APLP2: variants seen among roughly 807,000 people sequenced by gnomAD.
APLP2 encodes CDEI box-binding protein.
A neutral mutation model predicts 89.9 loss-of-function variants in APLP2; 53 were observed. The ratio of observed to expected loss-of-function variants is 0.59; its 90% CI spans 0.47 to 0.74. APLP2 has a LOEUF of 0.74. APLP2 is among the 30% of genes least tolerant of loss of function. The pLI, the probability that APLP2 is intolerant of heterozygous loss-of-function variation, is 0.00. For synonymous variants in APLP2, 372 were observed against 348.6 expected, an observed-to-expected ratio of 1.07 and a Z score of -0.75; for missense variants, 973 against 975.9, an observed-to-expected ratio of 1.00 and a Z score of 0.04.
intron 1 of APLP2, among the ~76,000 whole-genome samples, chr11:130,075,275 G>A (rs541735668): frequency 2.6e-5 from 4 of 152,236 alleles, no homozygotes; most frequent in East Asian, 1.9e-4. Context: ...TCAGCCTCCC[G>A]AGTATCTAGG....
chr11:130,098,787 C>A (rs1946542468), intron 1 of APLP2, among the ~76,000 whole-genome samples: 1 of 152,176 alleles, frequency 6.6e-6, no homozygotes, highest in Non-Finnish European at 1.5e-5. Flanking sequence ...CCAGGTCAGC[C>A]AGAGGAAGCT....
chr11:130,142,022 T>G lies in APLP2; in HGVS notation c.2102T>G (p.Leu701Arg), dbSNP rs1952471679. The G allele has an allele frequency of 6.2e-7, 1 of 1,613,802 alleles. No individual in the cohort carries two copies. The highest frequency in any genetic ancestry group is 1.3e-5 in the African/African-American group (1 of 74,926). The change falls in exon 16 of 17, where the codon CTG (leucine) becomes CGG (arginine). Residue 701 changes from leucine (L) to arginine (R), a missense_variant. Leu to Arg is a moderately radical substitution (Grantham distance 102, BLOSUM62 -2). Coordinates refer to ENST00000338167, the MANE Select transcript of APLP2 (RefSeq NM_001142276.2). ...ATTGCCACGGTCATCGTCATCAGCC[T>G]GGTGATGCTGAGGAAGAGGCAGTAT... ...VAIATVIVIS[L>R]VMLRKRQYGT... is the part of the protein sequence containing the mutation.
chr11:130,141,696 C>A lies in APLP2; in HGVS notation c.1998+124C>A. On this transcript the variant is annotated intron_variant, in intron 15 of 16. Transcript: ENST00000338167. This position sits in a 1 kb window ranked among gnomAD's most constrained non-coding sequence, Gnocchi z 4.2. ...GCTAATAAGGGTCCCTCATCCCCAGCTTTCCGTACTTTTGGATAAGAAAGC... is the reference window on the plus strand; with the variant it reads ...GCTAATAAGGGTCCCTCATCCCCAGATTTCCGTACTTTTGGATAAGAAAGC... 2.1e-6 allele frequency: 2 copies of A among 962,068 alleles called. No homozygotes were observed. The highest frequency in any genetic ancestry group is 3.1e-6 in the Non-Finnish European group (2 of 646,210). The allele number at this position is 962,068 out of a possible 1,614,324, so 59.6% of individuals were successfully genotyped here.
In APLP2 at chr11:130,123,508, T is replaced by A; in HGVS notation, c.923-104T>A. 7.7e-7 allele frequency: 1 copy of A among 1,293,740 alleles called. No homozygotes were observed. The highest frequency in any genetic ancestry group is 1.1e-6 in the Non-Finnish European group (1 of 947,676). The allele number at this position is 1,293,740 out of a possible 1,614,324, so 80.1% of individuals were successfully genotyped here. On this transcript the variant is annotated intron_variant, in intron 6 of 16. Transcript: ENST00000338167. This position sits in a 1 kb window ranked among gnomAD's most constrained non-coding sequence, Gnocchi z 4.0. The stretch of plus-strand genomic sequence containing the variant: ...CCGGGCCTCCAGGCTCCGTCCAGTC[T>A]CAGGCCTCCCCCAGCCCATCCCCCA...
At chr11:130,084,820 A>G (rs771349166) in intron 1 of APLP2, among the ~76,000 whole-genome samples, 10 of 152,204 alleles carry the variant, frequency 6.6e-5, no homozygotes, top group South Asian at 2.1e-4. Context: ...ATAATTTGCA[A>G]CAGAATAAAT....
chr11:130,095,032 A>C (rs1382713333), intron 1 of APLP2, among the ~76,000 whole-genome samples: 3 of 152,256 alleles, frequency 2.0e-5, no homozygotes, highest in Non-Finnish European at 4.4e-5. Context: ...CAAGTAAAAG[A>C]AGATGCAGTT....
At chr11:130,085,093 C>G (rs1943898273) in intron 1 of APLP2, among the ~76,000 whole-genome samples, 1 of 152,146 alleles carries the variant, frequency 6.6e-6, no homozygotes, top group African/African-American at 2.4e-5. Flanking sequence ...AAGACTGAAT[C>G]ATGAAGAAAT....
Position 130,129,175 on chromosome 11 carries a change from A to G in APLP2, c.1424A>G (p.Tyr475Cys), listed in dbSNP as rs1214822517. Residue 475 changes from tyrosine to cysteine, a missense_variant, in exon 10 of 17, where the codon TAC becomes TGC. By Grantham distance (194) the Tyr-to-Cys change is radical. Coordinates refer to ENST00000338167, the MANE Select transcript of APLP2 (RefSeq NM_001142276.2). ...NDRRRMALEN[Y>C]LAALQSDPPR... ...CGCCGTCGGATGGCTCTGGAGAACT[A>G]CCTGGCTGCCTTGCAGTCTGACCCG... The G allele has an allele frequency of 6.2e-7, 1 of 1,613,468 alleles. No homozygotes were observed.
chr11:130,072,500 G>A (rs566743202), intron 1 of APLP2, among the ~76,000 whole-genome samples: 2 of 114,992 alleles, frequency 1.7e-5, no homozygotes, highest in East Asian at 3.6e-4. Context: ...TTTTTGATAC[G>A]GAGTCTCGCT....
rs1940547932 is a variant in APLP2 at position 130,070,009 on chromosome 11, C to T, written c.32C>T (p.Ala11Val). 4 of 1,507,184 alleles carry T rather than the reference C, an allele frequency of 2.7e-6. No homozygotes were observed. The highest frequency in any genetic ancestry group is 1.2e-5 in the South Asian group (1 of 82,102). The allele number at this position is 1,507,184 out of a possible 1,614,324, so 93.4% of individuals were successfully genotyped here. ...GCCACCGGGACCGCGGCCGCCGCAG[C>T]CACGGGCAGGCTCCTGCTTCTGCTG... is the stretch of plus-strand genomic sequence containing the variant. Reference protein sequence around the residue: MAATGTAAAAATGRLLLLLLV... With the variant: MAATGTAAAAVTGRLLLLLLV... Residue 11 changes from alanine to valine, a missense_variant, in exon 1 of 17, where the codon GCC (alanine) becomes GTC (valine). Coordinates refer to ENST00000338167, the MANE Select transcript of APLP2 (RefSeq NM_001142276.2).
intron 1 of APLP2, among the ~76,000 whole-genome samples, chr11:130,098,219 A>G (rs939047179): frequency 1.3e-5 from 2 of 152,108 alleles, no homozygotes; most frequent in Non-Finnish European, 2.9e-5. Context: ...ATCCTGGCCA[A>G]CACGGTGAAA....
At chr11:130,098,165 G>A (rs1946458044) in intron 1 of APLP2, among the ~76,000 whole-genome samples, 1 of 152,160 alleles carries the variant, frequency 6.6e-6, no homozygotes, top group Non-Finnish European at 1.5e-5. Context: ...CCAGCACTTT[G>A]GGAGGCTGAG....
chr11:130,081,854 T>TA lies in APLP2; in HGVS notation c.105+11781dup, dbSNP rs936543498. Among the ~76,000 whole-genome samples the TA allele has an allele frequency of 4.1e-4, 62 of 151,880 alleles. No homozygotes were observed. The South Asian group carries it at 7.1e-3, about 17-fold the overall frequency. On this transcript the variant is annotated intron_variant, in intron 1 of 16. Transcript: ENST00000338167. ...TAAACAGCATACTGTGGATATCTTTTAAAAAAAAATCATTGTAGCTATATC... is the reference window on the plus strand; with the variant it reads ...TAAACAGCATACTGTGGATATCTTTTAAAAAAAAAATCATTGTAGCTATATC...
At chr11:130,110,683 T>C in intron 3 of APLP2, 22 bp downstream of exon 3, 6 of 1,596,770 alleles carry the variant, frequency 3.8e-6, no homozygotes, top group Non-Finnish European at 5.1e-6. Context: ...TGGTTACTTT[T>C]CAGGAAGTGC....
At chr11:130,128,286 G>T (rs1220128966) in intron 9 of APLP2, among the ~76,000 whole-genome samples, 10 of 152,214 alleles carry the variant, frequency 6.6e-5, no homozygotes, top group African/African-American at 2.4e-4. Context: ...TTCAGTAGAA[G>T]AGTGTTGCTA....
chr11:130,072,935 C>T (rs1314796320), intron 1 of APLP2, among the ~76,000 whole-genome samples: 1 of 152,122 alleles, frequency 6.6e-6, no homozygotes, highest in Non-Finnish European at 1.5e-5. Context: ...GTTATTGAGT[C>T]TGTAGGGTGA....
At chr11:130,080,502 G>T (rs1438649743) in intron 1 of APLP2, among the ~76,000 whole-genome samples, 1 of 151,946 alleles carries the variant, frequency 6.6e-6, no homozygotes, top group African/African-American at 2.4e-5. Flanking sequence ...ACCGTGCCCG[G>T]CCAGACATTT....
In APLP2 at chr11:130,109,441, A is replaced by G; in HGVS notation, c.118A>G (p.Asn40Asp). The change falls in exon 2 of 17, where the codon AAT becomes GAT. Residue 40 changes from asparagine (N) to aspartate (D), a missense_variant. Coordinates refer to ENST00000338167, the MANE Select transcript of APLP2 (RefSeq NM_001142276.2). ...TTCCCTTTGGTAGGCTCTTGCAGCCAATGCCGGAACAGGATTTGCTGTTGC... is the reference window on the plus strand; with the variant it reads ...TTCCCTTTGGTAGGCTCTTGCAGCCGATGCCGGAACAGGATTTGCTGTTGC... Reference protein sequence around the residue: ...LAGYIEALAANAGTGFAVAEP... With the variant: ...LAGYIEALAADAGTGFAVAEP... 6.2e-7 allele frequency: 1 copy of G among 1,611,398 alleles called. No individual in the cohort carries two copies. Among genetic ancestry groups the G allele is most frequent in the South Asian group, 1.1e-5 (1 of 90,604 alleles).
At chr11:130,074,830 G>A (rs1035089296) in intron 1 of APLP2, among the ~76,000 whole-genome samples, 1 of 152,148 alleles carries the variant, frequency 6.6e-6, no homozygotes, top group Non-Finnish European at 1.5e-5. Flanking sequence ...ACTACTCAAA[G>A]AAAATAATGT....
Sources: allele counts gnomAD v4.1 joint callset (sites outside exome capture counted in the v4.1 genomes callset), GRCh38; gene constraint gnomAD v4.1.1; non-coding constraint Gnocchi (gnomAD v3.1); transcripts MANE v1.5; gene names NCBI Gene and HGNC (gene_info 2026-07-23, HGNC 2026-07-21).